Variants in CEP350 observed in about 807,000 individuals in gnomAD.
CEP350 encodes the protein centrosome-associated protein 350.
CEP350 carries 126 observed loss-of-function variants against 331.8 expected under a neutral mutation model. The ratio of observed to expected loss-of-function variants is 0.38; its 90% CI spans 0.33 to 0.44. The LOEUF (loss-of-function observed/expected upper bound fraction) is 0.44, where lower values mean the gene tolerates loss of function less well. CEP350 is among the 20% of genes least tolerant of loss of function. The probability of loss-of-function intolerance (pLI) is 1.00; values close to 1 mark genes in which losing one functional copy is unlikely to be tolerated. For synonymous variants in CEP350, 1,200 were observed against 1,259.5 expected, an observed-to-expected ratio of 0.95 and a Z score of 1.00; for missense variants, 3,406 against 3,634.6, an observed-to-expected ratio of 0.94 and a Z score of 1.62.
intron 1 of CEP350, among the ~76,000 whole-genome samples, chr1:179,955,498 G>C (rs12141817): frequency 0.12 from 18,145 of 152,200 alleles, 1,165 homozygotes; most frequent in South Asian, 0.17. Context: ...GGAGATTCCG[G>C]GGACTGGCTC....
chr1:180,098,835 GTTTC>G, intron 36 of CEP350, 24 bp from the exon 37 acceptor site: 1 of 1,598,340 alleles, frequency 6.3e-7, no homozygotes. Context: ...TGTTGTTTGT[GTTTC>G]GTGTATTTGT....
intron 6 of CEP350, 96 bp downstream of exon 6, chr1:179,997,271 G>T: frequency 7.1e-7 from 1 of 1,404,648 alleles, no homozygotes; most frequent in South Asian, 1.4e-5. Flanking sequence ...TTTAGAACAG[G>T]ATGTTATTCT....
At chr1:180,060,985 A>G (rs1272165950) in intron 25 of CEP350, among the ~76,000 whole-genome samples, 2 of 152,148 alleles carry the variant, frequency 1.3e-5, no homozygotes, top group African/African-American at 4.8e-5. Context: ...TTTTATCTGT[A>G]ATGTTTTATT....
chr1:179,995,469 A>G (rs1286688708), intron 5 of CEP350, among the ~76,000 whole-genome samples: 4 of 152,116 alleles, frequency 2.6e-5, no homozygotes, highest in African/African-American at 4.8e-5. Flanking sequence ...GCCAGGCATC[A>G]TGGCACACAC....
intron 36 of CEP350, among the ~76,000 whole-genome samples, chr1:180,098,004 C>G (rs917460892): frequency 6.6e-6 from 1 of 152,150 alleles, no homozygotes; most frequent in African/African-American, 2.4e-5. Flanking sequence ...GAGTTTCACT[C>G]TTGTTGCCCA....
intron 13 of CEP350, 90 bp downstream of exon 13, chr1:180,022,938 C>A: frequency 7.7e-7 from 1 of 1,299,596 alleles, no homozygotes; most frequent in Non-Finnish European, 1.1e-6. Context: ...CCAAGTTTTG[C>A]TCATTTAAAA....
rs1010200669 is a variant in CEP350 at position 180,024,642 on chromosome 1, A to G, written c.3550+60A>G. On this transcript the variant is annotated intron_variant, in intron 14 of 37. Coordinates refer to ENST00000367607, the MANE Select transcript of CEP350 (RefSeq NM_014810.5). ...ACCAATGATTTTGTTGTAGTAATCTAAAGTTATGATTTGATTGCATAAGAA... is the reference window on the plus strand; with the variant it reads ...ACCAATGATTTTGTTGTAGTAATCTGAAGTTATGATTTGATTGCATAAGAA... 4.5e-5 allele frequency: 69 copies of G among 1,525,958 alleles called. No individual in the cohort carries two copies. In the South Asian group the frequency reaches 7.0e-4, roughly 16 times the overall value. 94.5% of individuals were successfully genotyped at this position (1,525,958 alleles called of 1,614,324 possible).
intron 5 of CEP350, among the ~76,000 whole-genome samples, chr1:179,993,946 C>T (rs1046511885): frequency 6.6e-5 from 10 of 152,168 alleles, no homozygotes; most frequent in Admixed American, 2.6e-4. Context: ...TGTGTAACTT[C>T]CTCTATTAAA....
rs564067982 is a variant in CEP350 at position 179,976,606 on chromosome 1, A to G, written c.-13-9563A>G. ...GAGGTGGAGCTTGCAGTGAGCCGAG[A>G]TCGCGCCACTGCACTACAGCCTGGG... On this transcript the variant is annotated intron_variant, in intron 1 of 37. Coordinates refer to ENST00000367607, the MANE Select transcript of CEP350 (RefSeq NM_014810.5). 8.2e-4 allele frequency among the ~76,000 whole-genome samples: 124 copies of G among 151,786 alleles called. 3 individuals carry two copies. The South Asian group carries it at 0.026, about 31-fold the overall frequency.
At chr1:179,984,869 A>G (rs1303822560) in intron 1 of CEP350, among the ~76,000 whole-genome samples, 1 of 152,200 alleles carries the variant, frequency 6.6e-6, no homozygotes, top group Admixed American at 6.5e-5. Context: ...TGATTTTTAT[A>G]AAAGACTAGT....
intron 3 of CEP350, among the ~76,000 whole-genome samples, chr1:179,989,593 T>C (rs1053783893): frequency 1.3e-5 from 2 of 152,190 alleles, no homozygotes; most frequent in Non-Finnish European, 2.9e-5. Flanking sequence ...TCTGTTTTCC[T>C]AGTTTTTTGT....
intron 27 of CEP350, among the ~76,000 whole-genome samples, chr1:180,070,612 G>C (rs1472193860): frequency 6.6e-6 from 1 of 152,140 alleles, no homozygotes; most frequent in Non-Finnish European, 1.5e-5. Flanking sequence ...ACAGCAGAAT[G>C]GCAGAGCTGA....
At chr1:180,083,884 C>T (rs561278870) in intron 30 of CEP350, 134 bp from the exon 31 acceptor site, 10 of 476,000 alleles carry the variant, frequency 2.1e-5, no homozygotes, top group South Asian at 5.3e-5. Flanking sequence ...AATCTTCTTC[C>T]GAAGCTCATA....
chr1:180,081,397 T>A (rs527527529), intron 30 of CEP350, among the ~76,000 whole-genome samples: 8 of 152,348 alleles, frequency 5.3e-5, no homozygotes, highest in Non-Finnish European at 1.0e-4. Flanking sequence ...AGATGTACCA[T>A]AATTTATTTA....
chr1:179,991,112 G>T (rs1191557200), intron 4 of CEP350, among the ~76,000 whole-genome samples: 1 of 151,340 alleles, frequency 6.6e-6, no homozygotes, highest in Admixed American at 6.6e-5. Context: ...TTCATTTTGA[G>T]GTTATATATG....
chr1:179,969,913 T>C (rs1441647658), intron 1 of CEP350, among the ~76,000 whole-genome samples: 2 of 152,232 alleles, frequency 1.3e-5, no homozygotes, highest in Non-Finnish European at 2.9e-5. Context: ...AGTGAAACTT[T>C]TATACTTTTA....
intron 22 of CEP350, among the ~76,000 whole-genome samples, chr1:180,049,519 A>G (rs78781808): frequency 0.035 from 5,331 of 151,510 alleles, 180 homozygotes; most frequent in African/African-American, 0.071. Flanking sequence ...ATGATGGAAC[A>G]ACAGGGACCA....
intron 24 of CEP350, 61 bp from the exon 25 acceptor site, chr1:180,054,354 C>T: frequency 7.5e-7 from 1 of 1,334,976 alleles, no homozygotes; most frequent in East Asian, 2.5e-5. Flanking sequence ...GAATTCTTGA[C>T]ATTATTCAGG....
intron 1 of CEP350, among the ~76,000 whole-genome samples, chr1:179,956,608 A>G (rs1650191485): frequency 6.6e-6 from 1 of 152,162 alleles, no homozygotes; most frequent in Admixed American, 6.5e-5. Flanking sequence ...CACTTCTACC[A>G]TATATGAGCA....
Sources: gnomAD v4.1 joint callset for allele counts (sites outside exome capture counted in the v4.1 genomes callset) on GRCh38, gnomAD v4.1.1 for gene constraint, MANE v1.5 for transcripts, NCBI Gene and HGNC (gene_info 2026-07-23, HGNC 2026-07-21) for gene names.